FAM229B: variants seen among roughly 807,000 people sequenced by gnomAD.
FAM229B encodes the protein family with sequence similarity 229 member B, also known as protein FAM229B.
A neutral mutation model predicts 6.7 loss-of-function variants in FAM229B; 2 were observed. The ratio of observed to expected loss-of-function variants is 0.30; its 90% CI spans 0.12 to 0.94. The LOEUF (loss-of-function observed/expected upper bound fraction) is 0.94. Ranked by LOEUF, FAM229B falls within the 40% of genes least tolerant of loss-of-function variation. The pLI, the probability that FAM229B is intolerant of heterozygous loss-of-function variation, is 0.54. For synonymous variants in FAM229B, 29 were observed against 34.0 expected (o/e 0.85, Z 0.51); for missense variants, 93 against 96.2 (o/e 0.97, Z 0.14).
chr6:112,095,662 C>CAAAAAAAAAAAAAAAAAAAAAAAACA (rs376039549), intron 1 of FAM229B, among the ~76,000 whole-genome samples: 3 of 77,904 alleles, frequency 3.9e-5, no homozygotes, highest in Admixed American at 2.8e-4. Context: ...AAAAAAAAAC[C>CAAAAAAAAAAAAAAAAAAAAAAAACA]AAAAAAAAAA....
At chr6:112,097,820 A>G (rs141151881) in intron 2 of FAM229B, among the ~76,000 whole-genome samples, 2 of 152,360 alleles carry the variant, frequency 1.3e-5, no homozygotes, top group African/African-American at 4.8e-5. Context: ...CCACTGTGTG[A>G]CAAGCACTGT....
At chr6:112,098,079 C>A (rs1051638672) in intron 2 of FAM229B, among the ~76,000 whole-genome samples, 9 of 152,120 alleles carry the variant, frequency 5.9e-5, no homozygotes, top group Non-Finnish European at 1.2e-4. Flanking sequence ...AGGACAGTAT[C>A]CTCCCTCCCC....
intron 3 of FAM229B, among the ~76,000 whole-genome samples, chr6:112,100,224 A>G (rs1418291079): frequency 8.5e-5 from 13 of 152,226 alleles, no homozygotes; most frequent in African/African-American, 3.1e-4. Flanking sequence ...CTGAGATTCT[A>G]TCAACATTTG....
At chr6:112,093,040 G>T (rs58908485) in intron 1 of FAM229B, among the ~76,000 whole-genome samples, 1 of 151,652 alleles carries the variant, frequency 6.6e-6, no homozygotes, top group Admixed American at 6.6e-5. Context: ...TAATTCAACC[G>T]TATCTATCAT....
intron 1 of FAM229B, among the ~76,000 whole-genome samples, chr6:112,087,974 T>C (rs1777200250): frequency 6.6e-6 from 1 of 152,192 alleles, no homozygotes; most frequent in Admixed American, 6.5e-5. Context: ...ACTAGATGGT[T>C]ATACGCTTTG....
At chr6:112,096,041 T>G (rs1777320581) in intron 1 of FAM229B, among the ~76,000 whole-genome samples, 2 of 152,252 alleles carry the variant, frequency 1.3e-5, no homozygotes, top group South Asian at 4.1e-4. Flanking sequence ...TAACATTTAA[T>G]AGTTTAGTCA....
intron 1 of FAM229B, among the ~76,000 whole-genome samples, chr6:112,095,251 G>A (rs782741407): frequency 3.9e-5 from 6 of 152,058 alleles, no homozygotes; most frequent in Non-Finnish European, 7.4e-5. Flanking sequence ...AATTCCTCAC[G>A]ACAACTCTGT....
intron 1 of FAM229B, among the ~76,000 whole-genome samples, chr6:112,089,523 T>G (rs1156802797): frequency 6.6e-6 from 1 of 152,102 alleles, no homozygotes; most frequent in African/African-American, 2.4e-5. Flanking sequence ...TGTTGTTTTA[T>G]CCACTACTAG....
chr6:112,095,147 C>G (rs1777304868), intron 1 of FAM229B, among the ~76,000 whole-genome samples: 1 of 152,152 alleles, frequency 6.6e-6, no homozygotes, highest in Non-Finnish European at 1.5e-5. Context: ...TCTCAATACT[C>G]TGATTTCAAG....
intron 1 of FAM229B, among the ~76,000 whole-genome samples, chr6:112,094,353 G>A (rs782263014): frequency 2.0e-4 from 30 of 152,214 alleles, no homozygotes; most frequent in Non-Finnish European, 2.9e-5. Flanking sequence ...TTGCTCCTGC[G>A]TGATTTGGCC....
Position 112,101,187 on chromosome 6 carries a change from G to T in FAM229B, c.*400G>T, listed in dbSNP as rs185221569. 350 of 161,508 alleles carry T rather than the reference G, an allele frequency of 2.2e-3. No homozygotes were observed. The highest frequency in any genetic ancestry group is 7.8e-3 in the African/African-American group (326 of 41,666). 10.0% of individuals were successfully genotyped at this position (161,508 alleles called of 1,614,324 possible). On this transcript the variant is annotated 3_prime_UTR_variant, in exon 4 of 4. Coordinates refer to ENST00000368656, the MANE Select transcript of FAM229B (RefSeq NM_001033564.3). Reference sequence around the variant, plus strand: ...TACTTGGCTAAATCCTTTCACCTTAGTACCCTAAGCCAGTTTCCTGGCTTG... The same window carrying T: ...TACTTGGCTAAATCCTTTCACCTTATTACCCTAAGCCAGTTTCCTGGCTTG...
intron 2 of FAM229B, among the ~76,000 whole-genome samples, chr6:112,097,621 T>C (rs1777344379): frequency 2.0e-5 from 3 of 152,112 alleles, no homozygotes; most frequent in Admixed American, 1.3e-4. Context: ...AAACATTGTG[T>C]ACTAATAGTT....
chr6:112,089,503 G>C (rs1777229384), intron 1 of FAM229B, among the ~76,000 whole-genome samples: 1 of 152,026 alleles, frequency 6.6e-6, no homozygotes, highest in Non-Finnish European at 1.5e-5. Context: ...GCTCTATGAG[G>C]GCTGAGTCTT....
Position 112,099,428 on chromosome 6 carries a change from C to G in FAM229B, c.125+20C>G. 1 of 1,605,740 alleles carries G rather than the reference C, an allele frequency of 6.2e-7. No individual in the cohort carries two copies. The highest frequency in any genetic ancestry group is 1.3e-5 in the African/African-American group (1 of 74,592). On this transcript the variant is annotated intron_variant, in intron 3 of 3. Coordinates refer to ENST00000368656, the MANE Select transcript of FAM229B (RefSeq NM_001033564.3). ...AACCAGGTAAAGTCTTCTGTCCTCACAAGTGAGGAGATATGTATTGGCTAT... is the reference window on the plus strand; with the variant it reads ...AACCAGGTAAAGTCTTCTGTCCTCAGAAGTGAGGAGATATGTATTGGCTAT...
Position 112,102,580 on chromosome 6 carries a change from T to A in FAM229B, c.*1793T>A, listed in dbSNP as rs1777412995. On this transcript the variant is annotated 3_prime_UTR_variant, in exon 4 of 4. Coordinates refer to ENST00000368656, the MANE Select transcript of FAM229B (RefSeq NM_001033564.3). The stretch of plus-strand genomic sequence containing the variant: ...ATAGTGGATCTTTTAATATAGTACA[T>A]GGATCATTGAGTAGAGTCTTCAGCA... 1.3e-5 allele frequency: 2 copies of A among 152,110 alleles called. No homozygotes were observed. Among genetic ancestry groups the A allele is most frequent in the African/African-American group, 4.8e-5 (2 of 41,420 alleles). 9.4% of individuals were successfully genotyped at this position (152,110 alleles called of 1,614,324 possible).
chr6:112,088,143 A>G (rs2114498504), intron 1 of FAM229B, among the ~76,000 whole-genome samples: 1 of 152,324 alleles, frequency 6.6e-6, no homozygotes, highest in African/African-American at 2.4e-5. Context: ...CATACACGCG[A>G]AATACTTAAA....
At position 112,102,449 on chromosome 6, in the gene FAM229B, T is replaced by G. The variant is rs1257250974; in HGVS notation, c.*1662T>G. 6.6e-6 allele frequency: 1 copy of G among 152,026 alleles called. No individual in the cohort carries two copies. The highest frequency in any genetic ancestry group is 1.5e-5 in the Non-Finnish European group (1 of 68,052). The allele number at this position is 152,026 out of a possible 1,614,324, so 9.4% of individuals were successfully genotyped here. A position where few individuals can be genotyped will look rare whatever the true frequency, so the allele number is the denominator to read the frequency against. On this transcript the variant is annotated 3_prime_UTR_variant, in exon 4 of 4. Coordinates refer to ENST00000368656, the MANE Select transcript of FAM229B (RefSeq NM_001033564.3). ...GCAGTGAGCTGAGATTGCATCACTG[T>G]GCTCCAGCCTAGGCAACAGAGTGAG...
chr6:112,090,662 G>A (rs1672749105), intron 1 of FAM229B, among the ~76,000 whole-genome samples: 1 of 151,854 alleles, frequency 6.6e-6, no homozygotes, highest in African/African-American at 2.4e-5. Flanking sequence ...TATGCTTTAT[G>A]TTATCCCCCT....
chr6:112,090,939 T>A (rs1292658548), intron 1 of FAM229B, among the ~76,000 whole-genome samples: 1 of 152,156 alleles, frequency 6.6e-6, no homozygotes, highest in Non-Finnish European at 1.5e-5. Context: ...ATGTAATAGA[T>A]CTATAAAACT....
Sources: gnomAD v4.1 joint callset for allele counts (sites outside exome capture counted in the v4.1 genomes callset) on GRCh38, gnomAD v4.1.1 for gene constraint, MANE v1.5 for transcripts, NCBI Gene and HGNC (gene_info 2026-07-23, HGNC 2026-07-21) for gene names.